Variants in COL6A1 observed in about 807,000 individuals in gnomAD.
The protein encoded by COL6A1 is collagen type VI alpha 1 chain, also known as collagen alpha-1(VI) chain.
In COL6A1, 80 loss-of-function variants were observed where a neutral mutation model predicts 145.6. The observed-to-expected ratio is 0.55, with a 90% confidence interval of 0.46 to 0.66. The LOEUF is 0.66. Ranked by LOEUF, COL6A1 falls within the 30% of genes least tolerant of loss-of-function variation. COL6A1 has a pLI of 0.00. For synonymous variants in COL6A1, 638 were observed against 622.8 expected (o/e 1.02, Z -0.36); for missense variants, 1,364 against 1,473.8 (o/e 0.93, Z 1.22).
chr21:45,998,251 G>T lies in COL6A1; in HGVS notation c.1575+80G>T. ...CTCTTTAGTGGACTGGGCACTCTTG[G>T]GTGGGCGGGCTGGCCCCAGGACCGC... On this transcript the variant is annotated intron_variant, in intron 23 of 34. Coordinates refer to ENST00000361866, the MANE Select transcript of COL6A1 (RefSeq NM_001848.3). The T allele has an allele frequency of 1.9e-5, 30 of 1,584,826 alleles. 1 individual carries two copies. In the South Asian group the frequency reaches 3.4e-4, roughly 18 times the overall value.
At chr21:45,999,769 G>A in intron 27 of COL6A1, 77 bp downstream of exon 27, 1 of 1,489,564 alleles carries the variant, frequency 6.7e-7, no homozygotes, top group East Asian at 2.3e-5. Context: ...CCTGTCCATG[G>A]GTGCTCCTGT....
rs936422605 is a variant in COL6A1 at position 45,999,531 on chromosome 21, G to A, written c.1741-126G>A. On this transcript the variant is annotated intron_variant, in intron 26 of 34. Transcript: ENST00000361866. ...CCGTCACTGGAGGACGAGGGGCTGG[G>A]TAGGGAGGGACCGGGCAGGGGTGGG... The A allele has an allele frequency of 1.2e-5, 12 of 1,023,970 alleles. No individual in the cohort carries two copies. In the Admixed American group the frequency reaches 1.6e-4, roughly 14 times the overall value. 63.4% of individuals were successfully genotyped at this position (1,023,970 alleles called of 1,614,324 possible).
Position 45,990,807 on chromosome 21 carries a change from A to C in COL6A1, c.1037A>C (p.Lys346Thr). ...EMGYPGLPGC[K>T]GSPGFDGIQG... ...GGGTACCCAGGCCTGCCAGGCTGCAAGGGCTCGCCCGGGTTTGACGTAAGT... is the reference window on the plus strand; with the variant it reads ...GGGTACCCAGGCCTGCCAGGCTGCACGGGCTCGCCCGGGTTTGACGTAAGT... Residue 346 changes from lysine to threonine, a missense_variant, in exon 14 of 35, where the codon AAG becomes ACG. By Grantham distance (78) the Lys-to-Thr change is moderately conservative. Coordinates refer to ENST00000361866, the MANE Select transcript of COL6A1 (RefSeq NM_001848.3). The C allele has an allele frequency of 6.2e-7, 1 of 1,613,366 alleles. No individual in the cohort carries two copies. The highest frequency in any genetic ancestry group is 8.5e-7 in the Non-Finnish European group (1 of 1,179,970).
At chr21:46,002,186 C>T (rs1298517205) in intron 31 of COL6A1, 32 bp from the exon 32 acceptor site, 4 of 1,579,508 alleles carry the variant, frequency 2.5e-6, no homozygotes, top group Non-Finnish European at 3.4e-6. Flanking sequence ...AGGCCTGGCC[C>T]CAACCGGCCC....
intron 17 of COL6A1, 28 bp from the exon 18 acceptor site, chr21:45,992,335 C>A: frequency 6.2e-7 from 1 of 1,613,854 alleles, no homozygotes. Context: ...ACCAGACTAA[C>A]GCCGGCGTCT....
At chr21:46,001,433 A>T in intron 30 of COL6A1, 47 bp downstream of exon 30, 1 of 1,599,420 alleles carries the variant, frequency 6.3e-7, no homozygotes, top group Non-Finnish European at 8.5e-7. Flanking sequence ...GTGCACCCCG[A>T]CCCTGCCGGC....
At chr21:45,986,798 C>T (rs1055863032) in intron 4 of COL6A1, 113 bp downstream of exon 4, 27 of 1,512,946 alleles carry the variant, frequency 1.8e-5, no homozygotes, top group Admixed American at 1.4e-4. Flanking sequence ...GTTCTCCAGC[C>T]GGCCACCCTT....
chr21:45,982,680 G>A lies in COL6A1; in HGVS notation c.144G>A (p.Val48=). Reference sequence around the variant, plus strand: ...TTGTGCTGGACACCTCTGAGAGCGTGGCCCTGAGGCTGAAGCCCTACGGGG... The same window carrying A: ...TTGTGCTGGACACCTCTGAGAGCGTAGCCCTGAGGCTGAAGCCCTACGGGG... ...LFFVLDTSES[V]ALRLKPYGAL... Residue 48 remains valine (V), a synonymous_variant, in exon 2 of 35, where the codon GTG becomes GTA. Transcript: ENST00000361866. 1 of 1,612,884 alleles carries A rather than the reference G, an allele frequency of 6.2e-7. No individual in the cohort carries two copies. The highest frequency in any genetic ancestry group is 1.1e-5 in the South Asian group (1 of 91,086).
chr21:45,987,454 T>C lies in COL6A1; in HGVS notation c.739-45T>C, dbSNP rs1019919651. On this transcript the variant is annotated intron_variant, in intron 6 of 34. Transcript: ENST00000361866. The stretch of plus-strand genomic sequence containing the variant: ...TGTCACCCTGTGTCCCAGCCGTATG[T>C]CCGTGGCTTTCCCACTGACTCGTCT... The C allele has an allele frequency of 1.9e-6, 3 of 1,612,430 alleles. No individual in the cohort carries two copies. In the African/African-American group the frequency reaches 4.0e-5, roughly 22 times the overall value.
chr21:45,989,514 G>A lies in COL6A1; in HGVS notation c.859-94G>A. 4 of 1,324,038 alleles carry A rather than the reference G, an allele frequency of 3.0e-6. No homozygotes were observed. The Admixed American group carries it at 5.1e-5, about 17-fold the overall frequency. 82.0% of individuals were successfully genotyped at this position (1,324,038 alleles called of 1,614,324 possible). On this transcript the variant is annotated intron_variant, in intron 9 of 34. Transcript: ENST00000361866. ...CAGGGCCCCTCTCTCGGCCTGACCA[G>A]GCCTGGGCTGGAGGGAGGGGTGTGG...
chr21:45,983,609 C>T (rs2123461714), intron 2 of COL6A1, among the ~76,000 whole-genome samples: 1 of 151,730 alleles, frequency 6.6e-6, no homozygotes, highest in East Asian at 1.9e-4. Flanking sequence ...GCCATTGGTA[C>T]CAGGAACCCT....
chr21:45,981,978 A>AC (rs771107946), intron 1 of COL6A1, 31 bp downstream of exon 1: 4 of 1,533,822 alleles, frequency 2.6e-6, no homozygotes, highest in African/African-American at 1.4e-5. Flanking sequence ...CAGGCTCCAG[A>AC]CCCCCCGCTC....
intron 3 of COL6A1, among the ~76,000 whole-genome samples, 193 bp from the exon 4 acceptor site, chr21:45,986,333 A>G (rs1469932144): frequency 1.3e-5 from 2 of 152,196 alleles, no homozygotes; most frequent in Non-Finnish European, 2.9e-5. Flanking sequence ...AAAGCAGTTT[A>G]GAGAAATGAG....
Position 45,999,275 on chromosome 21 carries a change from T to C in COL6A1, c.1740+57T>C. The C allele has an allele frequency of 2.7e-6, 4 of 1,473,424 alleles. No individual in the cohort carries two copies. In the South Asian group the frequency reaches 4.8e-5, roughly 18 times the overall value. The allele number at this position is 1,473,424 out of a possible 1,614,324, so 91.3% of individuals were successfully genotyped here. ...GGGCTGTGCCTGGGACGCCGGATGC[T>C]GGGGCTGGGGAATGCTGGAAGAGGC... On this transcript the variant is annotated intron_variant, in intron 26 of 34. Transcript: ENST00000361866.
rs761235924 is a variant in COL6A1 at position 45,994,443 on chromosome 21, GC to G, written c.1398+217del. Among the ~76,000 whole-genome samples, 6 of 152,048 alleles carry G rather than the reference GC, an allele frequency of 3.9e-5. No individual in the cohort carries two copies. Among genetic ancestry groups the G allele is most frequent in the Non-Finnish European group, 7.4e-5 (5 of 67,986 alleles). On this transcript the variant is annotated intron_variant, in intron 20 of 34. Transcript: ENST00000361866. The surrounding 1 kb of genome is among the most constrained non-coding windows in gnomAD (Gnocchi z 6.8). The stretch of plus-strand genomic sequence containing the variant: ...GTGGATTGTTGAGAGCAGGCCCAGC[GC>G]CCGGGGGCCTGACGCTGAGACGCTC...
rs1167607891 is a variant in COL6A1 at position 45,990,794 on chromosome 21, C to A, written c.1024C>A (p.Leu342Met). 1.9e-6 allele frequency: 3 copies of A among 1,613,454 alleles called. No individual in the cohort carries two copies. Among genetic ancestry groups the A allele is most frequent in the Non-Finnish European group, 2.5e-6 (3 of 1,179,988 alleles). ...GVKGEMGYPG[L>M]PGCKGSPGFD... ...CCAGGGGGAGATGGGGTACCCAGGC[C>A]TGCCAGGCTGCAAGGGCTCGCCCGG... The change falls in exon 14 of 35, where the codon CTG (leucine) becomes ATG (methionine). Residue 342 changes from leucine (L) to methionine (M), a missense_variant. Leu to Met is a conservative substitution (Grantham distance 15). This residue lies in a region of COL6A1 where 938 missense variants were observed against 1,003.8 expected (regional missense o/e 0.93). Transcript: ENST00000361866.
chr21:45,985,049 A>G (rs2077730711), intron 3 of COL6A1, among the ~76,000 whole-genome samples: 1 of 145,152 alleles, frequency 6.9e-6, no homozygotes, highest in Non-Finnish European at 1.5e-5. Context: ...CAGAGAAACA[A>G]AGACAGTCAG....
intron 3 of COL6A1, among the ~76,000 whole-genome samples, chr21:45,984,693 CAGAG>C (rs1302893222): frequency 6.6e-6 from 1 of 151,144 alleles, no homozygotes; most frequent in Non-Finnish European, 1.5e-5. Flanking sequence ...GAGACAGAGA[CAGAG>C]AGAGATAGAG....
intron 1 of COL6A1, 41 bp downstream of exon 1, chr21:45,981,988 C>G (rs2077709808): frequency 3.3e-6 from 5 of 1,496,450 alleles, no homozygotes; most frequent in Non-Finnish European, 4.6e-6. Flanking sequence ...ACCCCCCGCT[C>G]TTTGCTGCCG....
Sources: gnomAD v4.1 joint callset for allele counts (sites outside exome capture counted in the v4.1 genomes callset) on GRCh38, gnomAD v4.1.1 for gene constraint, gnomAD v4.1.1 regional missense constraint, Gnocchi (gnomAD v3.1) non-coding constraint, MANE v1.5 for transcripts, NCBI Gene and HGNC (gene_info 2026-07-23, HGNC 2026-07-21) for gene names.